PHYHIP: variants seen among roughly 807,000 people sequenced by gnomAD.
PHYHIP encodes the protein phytanoyl-CoA 2-hydroxylase interacting protein, also known as phytanoyl-CoA hydroxylase-interacting protein.
A neutral mutation model predicts 26.1 loss-of-function variants in PHYHIP; 7 were observed. The ratio of observed to expected loss-of-function variants is 0.27; its 90% CI spans 0.15 to 0.50. The LOEUF is 0.50. PHYHIP is among the 20% of genes least tolerant of loss of function. PHYHIP has a pLI of 0.98. For synonymous variants in PHYHIP, 206 were observed against 183.4 expected (o/e 1.12, Z -1.00); for missense variants, 232 against 454.7 (o/e 0.51, Z 4.45).
chr8:22,231,737 C>T (rs544502256), intron 1 of PHYHIP, 59 bp downstream of exon 1: 2 of 152,528 alleles, frequency 1.3e-5, no homozygotes, highest in South Asian at 4.1e-4. Flanking sequence ...CCCTAGAGCC[C>T]CCAGATCCCG....
chr8:22,223,990 T>C (rs1202405427), intron 4 of PHYHIP: 1 of 488,218 alleles, frequency 2.0e-6, no homozygotes, highest in Non-Finnish European at 3.7e-6. Context: ...CCCAGGCTCA[T>C]TAGTACAACA....
At chr8:22,228,045 T>A (rs1829787002) in intron 2 of PHYHIP, 148 bp downstream of exon 2, 2 of 672,608 alleles carry the variant, frequency 3.0e-6, no homozygotes, top group Admixed American at 2.6e-5. Context: ...CTCAGAGAGG[T>A]CAAGTAACTT....
At chr8:22,227,845 G>A (rs146394124) in intron 2 of PHYHIP, among the ~76,000 whole-genome samples, 8 of 152,348 alleles carry the variant, frequency 5.3e-5, no homozygotes, top group African/African-American at 9.6e-5. Flanking sequence ...CCCCATAGGC[G>A]AAGCCTGCGG....
chr8:22,226,482 C>A (rs1829747201), intron 3 of PHYHIP, among the ~76,000 whole-genome samples: 1 of 152,108 alleles, frequency 6.6e-6, no homozygotes, highest in Non-Finnish European at 1.5e-5. Context: ...TACTTAATAC[C>A]ACTGAACTGT....
At position 22,227,648 on chromosome 8, in the gene PHYHIP, C is replaced by G. The variant is rs934767157; in HGVS notation, c.165+545G>C. 6.6e-6 allele frequency: 3 copies of G among 456,438 alleles called. No homozygotes were observed. In the Admixed American group the frequency reaches 7.0e-5, roughly 11 times the overall value. 28.3% of individuals were successfully genotyped at this position (456,438 alleles called of 1,614,324 possible). On this transcript the variant is annotated intron_variant, in intron 2 of 4. Transcript: ENST00000454243. ...CTTTTAACCCCAGGAAAGGACACAC[C>G]CACGGAGGACTCTCTCCCATTCCTT... is the stretch of plus-strand genomic sequence containing the variant.
chr8:22,228,073 A>C, intron 2 of PHYHIP, 120 bp downstream of exon 2: 2 of 809,528 alleles, frequency 2.5e-6, no homozygotes, highest in Non-Finnish European at 4.1e-6. Context: ...ATGACACAGG[A>C]AGAAGAGTGT....
chr8:22,223,990 T>G, intron 4 of PHYHIP: 2 of 488,336 alleles, frequency 4.1e-6, no homozygotes, highest in Non-Finnish European at 3.7e-6. Flanking sequence ...CCCAGGCTCA[T>G]TAGTACAACA....
intron 2 of PHYHIP, 22 bp from the exon 3 acceptor site, chr8:22,227,047 G>C: frequency 6.3e-7 from 1 of 1,593,516 alleles, no homozygotes; most frequent in Non-Finnish European, 8.5e-7. Context: ...GGTACAAACA[G>C]AGAGCCAGGC....
Position 22,224,132 on chromosome 8 carries a change from G to A in PHYHIP, c.458+94C>T. 1.0e-5 allele frequency: 8 copies of A among 772,168 alleles called. No homozygotes were observed. In the South Asian group the frequency reaches 1.2e-4, roughly 11 times the overall value. The allele number at this position is 772,168 out of a possible 1,614,324, so 47.8% of individuals were successfully genotyped here. On this transcript the variant is annotated intron_variant, in intron 4 of 4. Transcript: ENST00000454243. Reference sequence around the variant, plus strand: ...CTAGAGGAGGGACTGGCAGCCACGAGGGTGGGGGTGACCTCAGACAGCCAG... The same window carrying A: ...CTAGAGGAGGGACTGGCAGCCACGAAGGTGGGGGTGACCTCAGACAGCCAG...
intron 2 of PHYHIP, chr8:22,227,560 A>T (rs1586492970): frequency 6.6e-6 from 3 of 453,510 alleles, no homozygotes; most frequent in South Asian, 4.7e-5. Context: ...TGGCCGCCTC[A>T]CTCCCCCTGC....
chr8:22,231,332 CAT>C lies in PHYHIP; in HGVS notation c.-30+462_-30+463del, dbSNP rs373775035. 9.1e-3 allele frequency among the ~76,000 whole-genome samples: 1,381 copies of C among 152,354 alleles called. 8 individuals carry two copies. Among genetic ancestry groups the C allele is most frequent in the South Asian group, 0.018 (87 of 4,824 alleles). ...GCTACTCAAATAAGTCCCCCACACA[CAT>C]GTACCTCACGTGTGCCAGAAAGATA... On this transcript the variant is annotated intron_variant, in intron 1 of 4. Transcript: ENST00000454243.
intron 4 of PHYHIP, among the ~76,000 whole-genome samples, chr8:22,222,238 C>T (rs1829645858): frequency 6.6e-6 from 1 of 152,088 alleles, no homozygotes; most frequent in Admixed American, 6.6e-5. Context: ...ACTTACCCAC[C>T]CCCTGCACAC....
intron 1 of PHYHIP, among the ~76,000 whole-genome samples, chr8:22,231,327 A>C (rs552260994): frequency 2.0e-5 from 3 of 152,260 alleles, no homozygotes; most frequent in South Asian, 4.2e-4. Flanking sequence ...TAAGTCCCCC[A>C]CACACATGTA....
chr8:22,228,954 G>A (rs1407619441), intron 1 of PHYHIP: 1 of 152,410 alleles, frequency 6.6e-6, no homozygotes, highest in African/African-American at 2.4e-5. Flanking sequence ...CACATTCGTG[G>A]TGGGAGGGGT....
intron 2 of PHYHIP, among the ~76,000 whole-genome samples, chr8:22,227,368 A>G (rs1217689621): frequency 6.6e-6 from 1 of 152,176 alleles, no homozygotes; most frequent in East Asian, 1.9e-4. Flanking sequence ...AAATGCTGAG[A>G]AGCCAGGGAG....
In PHYHIP at chr8:22,221,669, T is replaced by C; in HGVS notation, c.677A>G (p.Tyr226Cys). 1 of 1,612,956 alleles carries C rather than the reference T, an allele frequency of 6.2e-7. No individual in the cohort carries two copies. Among genetic ancestry groups the C allele is most frequent in the Non-Finnish European group, 8.5e-7 (1 of 1,179,648 alleles). The change falls in exon 5 of 5, where the codon TAC becomes TGC. Residue 226 changes from tyrosine (Y) to cysteine (C), a missense_variant. Tyr to Cys is a radical substitution (Grantham distance 194). Transcript: ENST00000454243. This position sits in a 1 kb window ranked among gnomAD's most constrained non-coding sequence, Gnocchi z 7.9. Reference protein sequence around the residue: ...PSTNLYFADFYCMYTAYHYAI... With the variant: ...PSTNLYFADFCCMYTAYHYAI... ...GTAGTGGTAGGCCGTGTACATGCAG[T>C]AGAAGTCCGCAAAGTAGAGGTTGGT...
chr8:22,228,138 G>T (rs183172895), intron 2 of PHYHIP, 55 bp downstream of exon 2: 6 of 1,468,446 alleles, frequency 4.1e-6, no homozygotes, highest in Non-Finnish European at 5.7e-6. Flanking sequence ...TCCCTTATCC[G>T]GCCTCCTTCA....
intron 2 of PHYHIP, 40 bp downstream of exon 2, chr8:22,228,153 C>T (rs756041040): frequency 1.3e-6 from 2 of 1,585,798 alleles, no homozygotes; most frequent in Non-Finnish European, 1.7e-6. Context: ...CCTTCAGGAA[C>T]AGAAGCTGGG....
intron 1 of PHYHIP, chr8:22,228,657 A>C (rs1829803652): frequency 3.8e-6 from 1 of 263,664 alleles, no homozygotes; most frequent in Admixed American, 5.1e-5. Context: ...GGAATGCTGC[A>C]AAGCCGGGCG....
Sources: gnomAD v4.1 joint callset for allele counts (sites outside exome capture counted in the v4.1 genomes callset) on GRCh38, gnomAD v4.1.1 for gene constraint, Gnocchi (gnomAD v3.1) non-coding constraint, MANE v1.5 for transcripts, NCBI Gene and HGNC (gene_info 2026-07-23, HGNC 2026-07-21) for gene names.